Variants in TLN2 observed in about 807,000 individuals in gnomAD.
The protein encoded by TLN2 is talin 2.
Under a neutral mutation model 294.7 loss-of-function variants are expected in TLN2, and 118 were observed. The ratio of observed to expected loss-of-function variants is 0.40; its 90% CI spans 0.34 to 0.47. The LOEUF is 0.47. TLN2 is among the 20% of genes least tolerant of loss of function. TLN2 has a pLI of 0.84. For synonymous variants in TLN2, 1,431 were observed against 1,304.5 expected, an observed-to-expected ratio of 1.10 and a Z score of -2.09; for missense variants, 3,083 against 3,282.2, an observed-to-expected ratio of 0.94 and a Z score of 1.48.
At chr15:62,689,219 A>C (rs2141051280) in intron 12 of TLN2, among the ~76,000 whole-genome samples, 1 of 152,276 alleles carries the variant, frequency 6.6e-6, no homozygotes, top group East Asian at 1.9e-4. Flanking sequence ...AATTAAACAC[A>C]GTCTACTGGT....
chr15:62,672,581 C>T (rs1027168782), intron 9 of TLN2, among the ~76,000 whole-genome samples: 1 of 152,042 alleles, frequency 6.6e-6, no homozygotes, highest in Non-Finnish European at 1.5e-5. Flanking sequence ...TTAAATCATC[C>T]AATTTTTGGC....
At chr15:62,723,515 T>C (rs2060266067) in intron 26 of TLN2, among the ~76,000 whole-genome samples, 2 of 148,690 alleles carry the variant, frequency 1.3e-5, no homozygotes, top group Admixed American at 1.3e-4. Flanking sequence ...GTCCATTGGG[T>C]ACAGGAAGAC....
At chr15:62,705,357 G>A (rs1414568077) in intron 19 of TLN2, among the ~76,000 whole-genome samples, 2 of 152,130 alleles carry the variant, frequency 1.3e-5, no homozygotes, top group East Asian at 3.9e-4. Context: ...AGCTTTTCTT[G>A]ATTTCTTAAT....
intron 1 of TLN2, among the ~76,000 whole-genome samples, chr15:62,507,385 C>T (rs1891644565): frequency 6.6e-6 from 1 of 152,186 alleles, no homozygotes; most frequent in African/African-American, 2.4e-5. Flanking sequence ...GAGTTGCCCA[C>T]CTCCCGCAAC....
chr15:62,673,322 T>TTTTTTTTTTTTTTTC (rs1555465070), intron 9 of TLN2, among the ~76,000 whole-genome samples: 1 of 140,186 alleles, frequency 7.1e-6, no homozygotes, highest in African/African-American at 2.7e-5. Flanking sequence ...TTTTTTTTTT[T>TTTTTTTTTTTTTTTC]TTTTTTGCAA....
chr15:62,612,349 G>A (rs2047986624), intron 2 of TLN2, among the ~76,000 whole-genome samples: 1 of 152,090 alleles, frequency 6.6e-6, no homozygotes, highest in Non-Finnish European at 1.5e-5. Flanking sequence ...GCTGCCTCTA[G>A]GAAATGTTGT....
intron 3 of TLN2, among the ~76,000 whole-genome samples, chr15:62,642,670 G>T (rs1415962111): frequency 6.7e-6 from 1 of 149,872 alleles, no homozygotes; most frequent in Non-Finnish European, 1.5e-5. Flanking sequence ...CTTTCTTTTT[G>T]TTGTTGTTTT....
At chr15:62,544,929 A>C (rs961772692) in intron 1 of TLN2, among the ~76,000 whole-genome samples, 1 of 150,652 alleles carries the variant, frequency 6.6e-6, no homozygotes, top group African/African-American at 2.4e-5. Context: ...TTTGGGGATG[A>C]CCTCACTTTT....
At chr15:62,802,847 A>G (rs191536119) in intron 50 of TLN2, among the ~76,000 whole-genome samples, 54 of 152,290 alleles carry the variant, frequency 3.5e-4, no homozygotes, top group Middle Eastern at 6.8e-3. Context: ...GCACCCTTTC[A>G]TATGCCTGTT....
chr15:62,541,080 C>G (rs769056225), intron 1 of TLN2, among the ~76,000 whole-genome samples: 2 of 152,118 alleles, frequency 1.3e-5, no homozygotes, highest in Admixed American at 1.3e-4. Flanking sequence ...AATTTTCGCA[C>G]GGGGCTGGGG....
Position 62,452,662 on chromosome 15 carries a change from C to T in TLN2, c.-238+61977C>T, listed in dbSNP as rs111641136. 3.6e-3 allele frequency among the ~76,000 whole-genome samples: 547 copies of T among 152,314 alleles called. 4 individuals are homozygous for T. The highest frequency in any genetic ancestry group is 0.012 in the African/African-American group (512 of 41,562). On this transcript the variant is annotated intron_variant, in intron 1 of 58. Coordinates refer to ENST00000636159, the MANE Select transcript of TLN2 (RefSeq NM_015059.3). ...TTTGTCTTTGTGATTTTTGACTACT[C>T]TAGGTACCTCAATCAGTGGAATCAT...
At chr15:62,489,084 C>T (rs1468513545) in intron 1 of TLN2, among the ~76,000 whole-genome samples, 1 of 152,160 alleles carries the variant, frequency 6.6e-6, no homozygotes, top group Non-Finnish European at 1.5e-5. Context: ...TCACTTGAAC[C>T]TGGCAGGGTG....
intron 58 of TLN2, 103 bp from the exon 59 acceptor site, chr15:62,840,379 G>C (rs2070502925): frequency 6.7e-7 from 1 of 1,503,346 alleles, no homozygotes; most frequent in Admixed American, 2.0e-5. Context: ...GTGCTGCAGT[G>C]TCCCACGGTC....
intron 1 of TLN2, among the ~76,000 whole-genome samples, chr15:62,534,849 A>G (rs750932620): frequency 3.9e-5 from 6 of 152,080 alleles, no homozygotes; most frequent in Non-Finnish European, 5.9e-5. Context: ...AACAAGACCA[A>G]ATATATATTT....
intron 54 of TLN2, 79 bp downstream of exon 54, chr15:62,820,689 C>T (rs1203277732): frequency 6.5e-7 from 1 of 1,537,264 alleles, no homozygotes; most frequent in East Asian, 2.3e-5. Flanking sequence ...GCTAGGAGTG[C>T]TGCAGGGAGC....
intron 1 of TLN2, among the ~76,000 whole-genome samples, chr15:62,432,193 C>T (rs1422532218): frequency 2.0e-5 from 3 of 152,038 alleles, no homozygotes; most frequent in Non-Finnish European, 1.5e-5. Flanking sequence ...ATTAGGTCCT[C>T]TGGAAAAGAA....
intron 39 of TLN2, 86 bp downstream of exon 39, chr15:62,762,539 G>A (rs2062740021): frequency 3.6e-6 from 5 of 1,393,212 alleles, no homozygotes; most frequent in Non-Finnish European, 5.0e-6. Context: ...TTACTTAATA[G>A]TGATATTGTT....
At chr15:62,494,106 G>A (rs959374444) in intron 1 of TLN2, among the ~76,000 whole-genome samples, 4 of 152,158 alleles carry the variant, frequency 2.6e-5, no homozygotes, top group African/African-American at 7.2e-5. Context: ...GTTTTCATGT[G>A]AATTTTTATC....
intron 11 of TLN2, among the ~76,000 whole-genome samples, chr15:62,677,169 C>T (rs558044555): frequency 6.6e-6 from 1 of 152,322 alleles, no homozygotes; most frequent in South Asian, 2.1e-4. Flanking sequence ...GCGTGCTTTT[C>T]ATTCATTATT....
Sources: gnomAD v4.1 joint callset for allele counts (sites outside exome capture counted in the v4.1 genomes callset) on GRCh38, gnomAD v4.1.1 for gene constraint, MANE v1.5 for transcripts, NCBI Gene and HGNC (gene_info 2026-07-23, HGNC 2026-07-21) for gene names.